ARHGEF6: variants seen among roughly 807,000 people sequenced by gnomAD.
The protein encoded by ARHGEF6 is Rac/Cdc42 guanine nucleotide exchange factor 6, also known as rho guanine nucleotide exchange factor 6.
ARHGEF6 carries 9 observed loss-of-function variants against 70.3 expected under a neutral mutation model. The ratio of observed to expected loss-of-function variants is 0.13; its 90% CI spans 0.08 to 0.22. ARHGEF6 has a LOEUF of 0.22. Among genes scored for constraint, ARHGEF6 ranks in the 10% least tolerant of loss-of-function variants. The probability of loss-of-function intolerance (pLI) is 1.00; values close to 1 mark genes in which losing one functional copy is unlikely to be tolerated. For missense variants in ARHGEF6, 470 were observed against 563.0 expected, an observed-to-expected ratio of 0.83 and a Z score of 1.67; for synonymous variants, 201 against 207.8, an observed-to-expected ratio of 0.97 and a Z score of 0.28.
intron 5 of ARHGEF6, among the ~76,000 whole-genome samples, chrX:136,737,194 C>T (rs1357746788): frequency 8.9e-6 from 1 of 112,153 alleles, no homozygotes; most frequent in South Asian, 3.7e-4. Context: ...TAAAACTCTA[C>T]GTTGGCTGGG....
At chrX:136,733,290 T>C (rs1331337132) in intron 5 of ARHGEF6, among the ~76,000 whole-genome samples, 1 of 111,692 alleles carries the variant, frequency 9.0e-6, no homozygotes, top group East Asian at 2.8e-4. Context: ...TTCTAAAGTA[T>C]AGCGCAGTAT....
chrX:136,775,522 A>C (rs2077397634), intron 2 of ARHGEF6, among the ~76,000 whole-genome samples: 1 of 111,911 alleles, frequency 8.9e-6, no homozygotes. Context: ...ACCCTCCACA[A>C]AATCAGCATG....
intron 2 of ARHGEF6, among the ~76,000 whole-genome samples, chrX:136,756,998 A>G (rs769396369): frequency 6.2e-5 from 7 of 112,451 alleles, no homozygotes; most frequent in Admixed American, 4.7e-4. Flanking sequence ...TGTCTCTCAA[A>G]ACACAGCAAA....
At position 136,672,016 on chromosome X, in the gene ARHGEF6, T is replaced by C. The variant is rs373133327; in HGVS notation, c.2135+4A>G. ...CTAGGCAAGGTTTTGCCTGCTCTAC[T>C]CACTTTTCTTCCATGATGGTCTGGC... On this transcript the variant is annotated splice_donor_region_variant and intron_variant, in intron 20 of 21. Coordinates refer to ENST00000250617, the MANE Select transcript of ARHGEF6 (RefSeq NM_004840.3). 7.5e-6 allele frequency: 9 copies of C among 1,200,400 alleles called. No homozygotes were observed. The African/African-American group carries it at 1.4e-4, about 19-fold the overall frequency.
chrX:136,671,083 A>C (rs922904265), intron 20 of ARHGEF6, among the ~76,000 whole-genome samples: 1 of 112,217 alleles, frequency 8.9e-6, no homozygotes, highest in South Asian at 3.7e-4. Flanking sequence ...ATAAGAATTA[A>C]CTAACATTAT....
chrX:136,744,099 TGATAAGCTATTCCACCCTG>T (rs1419236786), intron 4 of ARHGEF6, among the ~76,000 whole-genome samples: 1 of 111,510 alleles, frequency 9.0e-6, no homozygotes, highest in South Asian at 3.8e-4. Flanking sequence ...CAAAGTAGAG[TGATAAGCTATTCCACCCTG>T]GATAAGCTAT....
In ARHGEF6 at chrX:136,708,633, G is replaced by A. The variant is rs747188354; in HGVS notation, c.923+42C>T. On this transcript the variant is annotated intron_variant, in intron 8 of 21. Transcript: ENST00000250617. ...GTAAAAGGAAAACAAAACACAAACA[G>A]CAATGTTGCTGGCTATCCTATCAGA... is the stretch of plus-strand genomic sequence containing the variant. 43 of 1,082,649 alleles carry A rather than the reference G, an allele frequency of 4.0e-5. No homozygotes were observed. The East Asian group carries it at 8.7e-4, about 22-fold the overall frequency. The allele number at this position is 1,082,649 out of a possible 1,213,427, so 89.2% of individuals were successfully genotyped here.
chrX:136,732,936 TC>T (rs1400828287), intron 5 of ARHGEF6, among the ~76,000 whole-genome samples: 1 of 111,641 alleles, frequency 9.0e-6, no homozygotes, highest in East Asian at 2.8e-4. Context: ...TTTTCTTGGG[TC>T]TGTCTACTAT....
At chrX:136,740,329 A>G (rs369247266) in intron 5 of ARHGEF6, among the ~76,000 whole-genome samples, 11 of 111,363 alleles carry the variant, frequency 9.9e-5, no homozygotes, top group African/African-American at 3.3e-4. Context: ...TTTTGAAAGA[A>G]TCACTCTGGG....
intron 21 of ARHGEF6, among the ~76,000 whole-genome samples, chrX:136,668,533 C>CTTCTTCTTCTTCTTATTATTA (rs61661248): frequency 5.1e-5 from 5 of 98,464 alleles, no homozygotes; most frequent in Middle Eastern, 5.1e-3. Flanking sequence ...TCTTCTTCTT[C>CTTCTTCTTCTTCTTATTATTA]TTATTATTAT....
intron 5 of ARHGEF6, among the ~76,000 whole-genome samples, chrX:136,740,601 A>T (rs937948958): frequency 9.0e-6 from 1 of 110,966 alleles, no homozygotes; most frequent in Non-Finnish European, 1.9e-5. Context: ...TAAACCAGAG[A>T]GAATATAGGA....
At chrX:136,711,164 G>T (rs1342056217) in intron 7 of ARHGEF6, among the ~76,000 whole-genome samples, 1 of 111,835 alleles carries the variant, frequency 8.9e-6, no homozygotes, top group Admixed American at 9.4e-5. Flanking sequence ...TCTCACTACT[G>T]AGTATTTAGC....
intron 2 of ARHGEF6, among the ~76,000 whole-genome samples, chrX:136,758,362 TA>T (rs1277872197): frequency 1.8e-5 from 2 of 110,472 alleles, no homozygotes; most frequent in Non-Finnish European, 3.8e-5. Context: ...AAAAATAAAT[TA>T]TTTTTTTTTT....
At chrX:136,722,066 T>G (rs1055232837) in intron 6 of ARHGEF6, among the ~76,000 whole-genome samples, 2 of 108,909 alleles carry the variant, frequency 1.8e-5, no homozygotes, top group African/African-American at 6.7e-5. Flanking sequence ...ATCTGTCAAT[T>G]AAAAAAAAAG....
intron 7 of ARHGEF6, among the ~76,000 whole-genome samples, chrX:136,712,015 T>A (rs2076690614): frequency 8.9e-6 from 1 of 112,973 alleles, no homozygotes; most frequent in Non-Finnish European, 1.9e-5. Flanking sequence ...GCATTATAAC[T>A]AAACAAGTAT....
chrX:136,767,245 G>C (rs1263696084), intron 2 of ARHGEF6: 1 of 753,859 alleles, frequency 1.3e-6, no homozygotes, highest in Non-Finnish European at 1.6e-6. Flanking sequence ...CACGGGGCCG[G>C]CGAGCGGGCG....
intron 19 of ARHGEF6, 49 bp downstream of exon 19, chrX:136,674,958 G>A (rs2076263284): frequency 8.9e-7 from 1 of 1,121,657 alleles, no homozygotes; most frequent in Non-Finnish European, 1.2e-6. Context: ...ACACTAAACA[G>A]TAAGGAAGAA....
chrX:136,709,843 G>C, intron 7 of ARHGEF6, among the ~76,000 whole-genome samples: 1 of 112,009 alleles, frequency 8.9e-6, no homozygotes, highest in Non-Finnish European at 1.9e-5. Flanking sequence ...GCAGTCGCCT[G>C]TAATTCCAGC....
At chrX:136,738,264 G>A (rs1342083785) in intron 5 of ARHGEF6, among the ~76,000 whole-genome samples, 1 of 111,187 alleles carries the variant, frequency 9.0e-6, no homozygotes, top group Admixed American at 9.5e-5. Flanking sequence ...CTACTTGCTA[G>A]AAATCTTCAG....
Sources: gnomAD v4.1 joint callset for allele counts (sites outside exome capture counted in the v4.1 genomes callset) on GRCh38, gnomAD v4.1.1 for gene constraint, MANE v1.5 for transcripts, NCBI Gene and HGNC (gene_info 2026-07-23, HGNC 2026-07-21) for gene names.